The following JARID2 variants were observed in gnomAD, a reference collection of about 807,000 sequenced individuals.
The protein encoded by JARID2 is protein Jumonji.
A neutral mutation model predicts 125.6 loss-of-function variants in JARID2; 21 were observed. That is an observed-to-expected ratio of 0.17 (90% CI 0.12 to 0.24). The LOEUF is 0.24. Among genes scored for constraint, JARID2 ranks in the 10% least tolerant of loss-of-function variants. JARID2 has a pLI of 1.00. For synonymous variants in JARID2, 736 were observed against 661.6 expected (o/e 1.11, Z -1.73); for missense variants, 1,303 against 1,639.6 (o/e 0.79, Z 3.55).
chr6:15,515,276 C>A (rs9296975), intron 16 of JARID2, among the ~76,000 whole-genome samples: 11,834 of 152,044 alleles, frequency 0.078, 517 homozygotes, highest in African/African-American at 0.11. Context: ...CCTCCCAGAG[C>A]CCCAGGATTA....
At chr6:15,452,692 T>A (rs1767973904) in intron 4 of JARID2, among the ~76,000 whole-genome samples, 1 of 152,206 alleles carries the variant, frequency 6.6e-6, no homozygotes, top group Non-Finnish European at 1.5e-5. Context: ...CAAATACTGG[T>A]CCATGTTTCA....
At chr6:15,260,300 T>G (rs1405623669) in intron 1 of JARID2, among the ~76,000 whole-genome samples, 1 of 152,214 alleles carries the variant, frequency 6.6e-6, no homozygotes, top group Non-Finnish European at 1.5e-5. Context: ...ACTGCATGAT[T>G]CAGTGTTCTG....
At chr6:15,306,221 T>C (rs950797454) in intron 1 of JARID2, among the ~76,000 whole-genome samples, 1 of 152,068 alleles carries the variant, frequency 6.6e-6, no homozygotes, top group Non-Finnish European at 1.5e-5. Flanking sequence ...TCTCCTTTGG[T>C]GTCGAGTTCA....
chr6:15,340,540 G>T (rs1763032142), intron 1 of JARID2, among the ~76,000 whole-genome samples: 2 of 152,126 alleles, frequency 1.3e-5, no homozygotes, highest in African/African-American at 2.4e-5. Context: ...ATCTTGCTTT[G>T]GCTGGTCTTT....
chr6:15,498,047 A>G (rs1770552147), intron 7 of JARID2, among the ~76,000 whole-genome samples: 2 of 152,148 alleles, frequency 1.3e-5, no homozygotes, highest in South Asian at 2.1e-4. Context: ...CCTGTCTCCA[A>G]ATTCATTCAT....
chr6:15,311,565 C>T lies in JARID2; in HGVS notation c.46-62552C>T, dbSNP rs150905273. Among the ~76,000 whole-genome samples, 1,057 of 152,088 alleles carry T rather than the reference C, an allele frequency of 6.9e-3. 16 individuals carry two copies. Among genetic ancestry groups the T allele is most frequent in the African/African-American group, 0.023 (972 of 41,496 alleles). The stretch of plus-strand genomic sequence containing the variant: ...TGTACTCCAGCCTGGGCAACAAGAG[C>T]GAAACTCCGTCTCAAGAAAGAAAGA... On this transcript the variant is annotated intron_variant, in intron 1 of 17. Transcript: ENST00000341776.
rs559768711 is a variant in JARID2 at position 15,380,647 on chromosome 6, C to T, written c.181+6395C>T. On this transcript the variant is annotated intron_variant, in intron 2 of 17. Transcript: ENST00000341776. The stretch of plus-strand genomic sequence containing the variant: ...TGTAGCCAAGGACCAGTATTGGAAG[C>T]GCAGATGTGGGACATTGTGTAGCCA... 5.9e-5 allele frequency among the ~76,000 whole-genome samples: 9 copies of T among 152,252 alleles called. No homozygotes were observed. The East Asian group carries it at 9.7e-4, about 16-fold the overall frequency.
At chr6:15,249,014 T>C (rs951287841) in intron 1 of JARID2, 17 of 935,662 alleles carry the variant, frequency 1.8e-5, no homozygotes, top group African/African-American at 3.6e-5. Flanking sequence ...CTGGACCCTG[T>C]TCTGATGCCA....
intron 3 of JARID2, among the ~76,000 whole-genome samples, chr6:15,419,723 G>T (rs569481013): frequency 6.6e-6 from 1 of 152,194 alleles, no homozygotes; most frequent in Non-Finnish European, 1.5e-5. Context: ...GTCCCGATGT[G>T]CATCATTTCT....
chr6:15,283,265 A>G (rs1430753844), intron 1 of JARID2, among the ~76,000 whole-genome samples: 2 of 149,630 alleles, frequency 1.3e-5, no homozygotes, highest in Non-Finnish European at 3.0e-5. Flanking sequence ...GGTGTGAGCC[A>G]CTGCGCCCGG....
Position 15,374,021 on chromosome 6 carries a change from G to A in JARID2, c.46-96G>A, listed in dbSNP as rs886141357. The A allele has an allele frequency of 1.0e-5, 14 of 1,402,832 alleles. No homozygotes were observed. In the African/African-American group the frequency reaches 1.1e-4, roughly 11 times the overall value. The allele number at this position is 1,402,832 out of a possible 1,614,324, so 86.9% of individuals were successfully genotyped here. ...GAACTGGGTCGTGGTCACACAGTAC[G>A]TGTTCGGAAATTCCTTTAAAATAAA... On this transcript the variant is annotated intron_variant, in intron 1 of 17. Transcript: ENST00000341776.
intron 4 of JARID2, among the ~76,000 whole-genome samples, chr6:15,465,656 A>G (rs938249983): frequency 6.6e-6 from 1 of 151,612 alleles, no homozygotes; most frequent in African/African-American, 2.4e-5. Flanking sequence ...AGTTTTTAAA[A>G]AAATCCTCAA....
intron 6 of JARID2, among the ~76,000 whole-genome samples, chr6:15,490,829 T>G (rs1770115651): frequency 1.3e-5 from 2 of 152,238 alleles, no homozygotes; most frequent in Non-Finnish European, 2.9e-5. Context: ...AAGAGAGTCA[T>G]GAGCAGGTTT....
At chr6:15,288,610 T>G (rs1191892763) in intron 1 of JARID2, among the ~76,000 whole-genome samples, 1 of 152,238 alleles carries the variant, frequency 6.6e-6, no homozygotes, top group African/African-American at 2.4e-5. Flanking sequence ...ATAGTTTATA[T>G]GAAGATAGTC....
At chr6:15,379,226 A>G (rs1202352034) in intron 2 of JARID2, among the ~76,000 whole-genome samples, 1 of 151,742 alleles carries the variant, frequency 6.6e-6, no homozygotes, top group Non-Finnish European at 1.5e-5. Context: ...CAGCCTCATG[A>G]GTTGTCTGTG....
chr6:15,520,078 A>G lies in JARID2; in HGVS notation c.3568A>G (p.Ile1190Val). 1.9e-6 allele frequency: 3 copies of G among 1,612,084 alleles called. No individual in the cohort carries two copies. The highest frequency in any genetic ancestry group is 2.5e-6 in the Non-Finnish European group (3 of 1,179,172). The change falls in exon 18 of 18, where the codon ATC becomes GTC. Residue 1190 changes from isoleucine to valine, a missense_variant. By Grantham distance (29) the Ile-to-Val change is conservative. Transcript: ENST00000341776. ...LMYRYDEEQI[I>V]SLVNQICGKV... ...TTTCACCCCCAAACAGGAACAGATT[A>G]TCAGTCTGGTCAATCAGATCTGCGG...
At chr6:15,393,614 T>C (rs1031168265) in intron 2 of JARID2, among the ~76,000 whole-genome samples, 2 of 152,246 alleles carry the variant, frequency 1.3e-5, no homozygotes, top group Admixed American at 6.5e-5. Flanking sequence ...CCATAAATGA[T>C]GTTCCATATT....
chr6:15,402,763 G>A (rs1428922528), intron 2 of JARID2, among the ~76,000 whole-genome samples: 1 of 152,142 alleles, frequency 6.6e-6, no homozygotes, highest in Non-Finnish European at 1.5e-5. Context: ...CTTTTCATGA[G>A]CTGATAGAAG....
chr6:15,379,010 G>A lies in JARID2; in HGVS notation c.181+4758G>A, dbSNP rs556284615. ...GAACAGTGTGTGGACACTGCAGCTT[G>A]TATCTGAGCAGTGAGCTCAGCTGCC... On this transcript the variant is annotated intron_variant, in intron 2 of 17. Coordinates refer to ENST00000341776, the MANE Select transcript of JARID2 (RefSeq NM_004973.4). 3.9e-5 allele frequency among the ~76,000 whole-genome samples: 6 copies of A among 152,320 alleles called. No individual in the cohort carries two copies. The South Asian group carries it at 1.2e-3, about 32-fold the overall frequency.
Sources: gnomAD v4.1 joint callset for allele counts (sites outside exome capture counted in the v4.1 genomes callset) on GRCh38, gnomAD v4.1.1 for gene constraint, MANE v1.5 for transcripts, NCBI Gene and HGNC (gene_info 2026-07-23, HGNC 2026-07-21) for gene names.